TSC22D1: variants seen among roughly 807,000 people sequenced by gnomAD.
The protein encoded by TSC22D1 is TSC22 domain family member 1, also known as TSC22 domain family protein 1.
In TSC22D1, 9 loss-of-function variants were observed where a neutral mutation model predicts 74.2. The ratio of observed to expected loss-of-function variants is 0.12; its 90% CI spans 0.07 to 0.21. TSC22D1 has a LOEUF of 0.21. TSC22D1 is among the 10% of genes least tolerant of loss of function. TSC22D1 has a pLI of 1.00. For missense variants in TSC22D1, 1,427 were observed against 1,304.7 expected, an observed-to-expected ratio of 1.09 and a Z score of -1.44; for synonymous variants, 586 against 492.5, an observed-to-expected ratio of 1.19 and a Z score of -2.51.
intron 1 of TSC22D1, among the ~76,000 whole-genome samples, chr13:44,533,769 C>A (rs557532593): frequency 6.6e-6 from 1 of 152,002 alleles, no homozygotes; most frequent in Admixed American, 6.6e-5. Context: ...GGCAATAGAG[C>A]GAGACTCTTG....
intron 1 of TSC22D1, among the ~76,000 whole-genome samples, chr13:44,533,333 G>A (rs1393842813): frequency 5.3e-5 from 8 of 151,562 alleles, no homozygotes; most frequent in African/African-American, 1.7e-4. Flanking sequence ...ATGGTGGTCC[G>A]TGCCTGTAAT....
In TSC22D1 at chr13:44,527,993, A is replaced by G. The variant is rs73465748; in HGVS notation, c.2912+45170T>C. On this transcript the variant is annotated intron_variant, in intron 1 of 2. Transcript: ENST00000458659. ...ATAAAGGGGCCAATACTCCAAGAAG[A>G]CATAACCATTCTTAATATGTATGTG... is the stretch of plus-strand genomic sequence containing the variant. Among the ~76,000 whole-genome samples, 316 of 152,242 alleles carry G rather than the reference A, an allele frequency of 2.1e-3. 2 individuals carry two copies. The highest frequency in any genetic ancestry group is 7.4e-3 in the African/African-American group (309 of 41,570).
At chr13:44,465,113 A>G (rs1451355297) in intron 1 of TSC22D1, among the ~76,000 whole-genome samples, 1 of 152,234 alleles carries the variant, frequency 6.6e-6, no homozygotes, top group Non-Finnish European at 1.5e-5. Flanking sequence ...TGAGGTATTT[A>G]GGAACATATA....
intron 1 of TSC22D1, among the ~76,000 whole-genome samples, chr13:44,504,014 C>G (rs9634668): frequency 1.3e-5 from 2 of 151,644 alleles, no homozygotes; most frequent in Non-Finnish European, 2.9e-5. Flanking sequence ...TAGCTGGACT[C>G]TATTTTAAGT....
chr13:44,434,226 T>C lies in TSC22D1; in HGVS notation c.*400A>G. 7.0e-7 allele frequency: 1 copy of C among 1,425,266 alleles called. No homozygotes were observed. The highest frequency in any genetic ancestry group is 3.4e-5 in the Admixed American group (1 of 29,642). The allele number at this position is 1,425,266 out of a possible 1,614,324, so 88.3% of individuals were successfully genotyped here. A position where few individuals can be genotyped will look rare whatever the true frequency, so the allele number is the denominator to read the frequency against. On this transcript the variant is annotated 3_prime_UTR_variant, in exon 3 of 3. Coordinates refer to ENST00000458659, the MANE Select transcript of TSC22D1 (RefSeq NM_183422.4). ...GAGGAGAGGAGAGAGGCGAGTCCAG[T>C]GAGGAGCTCCATCGCTTCACAACCC...
chr13:44,452,368 A>G (rs186010132), intron 1 of TSC22D1, among the ~76,000 whole-genome samples: 1 of 152,302 alleles, frequency 6.6e-6, no homozygotes, highest in East Asian at 1.9e-4. Context: ...TTAAAGTTAA[A>G]AAGTCTGCTT....
chr13:44,545,420 G>C (rs774761713), intron 1 of TSC22D1, among the ~76,000 whole-genome samples: 5 of 151,888 alleles, frequency 3.3e-5, no homozygotes, highest in Non-Finnish European at 5.9e-5. Context: ...AAAAACCTTA[G>C]TAATTTTAAG....
At chr13:44,502,646 A>G (rs1566142439) in intron 1 of TSC22D1, among the ~76,000 whole-genome samples, 1 of 152,220 alleles carries the variant, frequency 6.6e-6, no homozygotes, top group Non-Finnish European at 1.5e-5. Context: ...TGGGTAGGTT[A>G]TATTATCGTC....
At chr13:44,474,155 G>T in intron 1 of TSC22D1, 1 of 829,178 alleles carries the variant, frequency 1.2e-6, no homozygotes, top group Non-Finnish European at 1.5e-6. Context: ...GTACTAGGCA[G>T]GACTTAGGAC....
intron 1 of TSC22D1, among the ~76,000 whole-genome samples, chr13:44,446,236 T>C (rs1875630298): frequency 6.6e-6 from 1 of 152,110 alleles, no homozygotes; most frequent in African/African-American, 2.4e-5. Context: ...AAATATATTA[T>C]GGTAAGAGAA....
chr13:44,456,282 G>C (rs1876638803), intron 1 of TSC22D1, among the ~76,000 whole-genome samples: 4 of 152,226 alleles, frequency 2.6e-5, no homozygotes, highest in South Asian at 2.1e-4. Flanking sequence ...GGAGTAGCCA[G>C]CTTTTATTCC....
intron 1 of TSC22D1, among the ~76,000 whole-genome samples, chr13:44,450,323 A>G (rs192215587): frequency 6.1e-4 from 93 of 152,354 alleles, no homozygotes; most frequent in African/African-American, 2.2e-3. Flanking sequence ...GAAGGAAAAA[A>G]GTTTAAGACA....
In TSC22D1 at chr13:44,574,708, A is replaced by T; in HGVS notation, c.1367T>A (p.Ile456Lys). 6.2e-7 allele frequency: 1 copy of T among 1,614,124 alleles called. No individual in the cohort carries two copies. Among genetic ancestry groups the T allele is most frequent in the Non-Finnish European group, 8.5e-7 (1 of 1,180,030 alleles). Residue 456 changes from isoleucine (I) to lysine (K), a missense_variant, in exon 1 of 3, where the codon ATA (isoleucine) becomes AAA (lysine). This residue lies in a region of TSC22D1 where 1,343 missense variants were observed against 1,191.5 expected (regional missense o/e 1.13). Transcript: ENST00000458659. The stretch of plus-strand genomic sequence containing the variant: ...GCTCTCCCTTTCAGAAGTCACTTCT[A>T]TCGGATTTTGCTTTACAGTCTCCAC... ...KVVETVKQNPIEVTSERESTS... is the reference protein window; with the variant it reads ...KVVETVKQNPKEVTSERESTS...
chr13:44,573,586 A>C lies in TSC22D1; in HGVS notation c.2489T>G (p.Ile830Ser), dbSNP rs372676750. ...AVSSLPSASS[I>S]SVTSQVSSTG... ...TGAACTAACCTGACTTGTAACAGAA[A>C]TACTACTAGCAGAGGGCAAAGAACT... Residue 830 changes from isoleucine to serine, a missense_variant, in exon 1 of 3, where the codon ATT becomes AGT. By Grantham distance (142) the Ile-to-Ser change is moderately radical. This residue lies in a region of TSC22D1 where 1,343 missense variants were observed against 1,191.5 expected (regional missense o/e 1.13). Coordinates refer to ENST00000458659, the MANE Select transcript of TSC22D1 (RefSeq NM_183422.4). 70 of 1,614,260 alleles carry C rather than the reference A, an allele frequency of 4.3e-5. No individual in the cohort carries two copies. Among genetic ancestry groups the C allele is most frequent in the Non-Finnish European group, 4.9e-5 (58 of 1,180,044 alleles).
chr13:44,536,588 C>T, intron 1 of TSC22D1: 1 of 318,622 alleles, frequency 3.1e-6, no homozygotes, highest in Non-Finnish European at 4.5e-6. Context: ...TTATGAATTG[C>T]ATAGTTCTCT....
At chr13:44,537,677 A>T (rs1881234085) in intron 1 of TSC22D1, 1 of 984,736 alleles carries the variant, frequency 1.0e-6, no homozygotes. Flanking sequence ...TAAAAGCTGT[A>T]ATCACTTATG....
At chr13:44,471,883 T>C (rs1877625804) in intron 1 of TSC22D1, among the ~76,000 whole-genome samples, 1 of 152,230 alleles carries the variant, frequency 6.6e-6, no homozygotes, top group Non-Finnish European at 1.5e-5. Flanking sequence ...AAATAAGTCA[T>C]AAATGTTAAA....
intron 1 of TSC22D1, among the ~76,000 whole-genome samples, chr13:44,534,340 T>C (rs1359838318): frequency 7.2e-6 from 1 of 139,354 alleles, no homozygotes; most frequent in African/African-American, 2.7e-5. Flanking sequence ...CCAGCCTAGG[T>C]GACACTGTGA....
chr13:44,576,089 G>T lies in TSC22D1; in HGVS notation c.-15C>A. The T allele has an allele frequency of 2.6e-6, 4 of 1,512,408 alleles. No homozygotes were observed. The highest frequency in any genetic ancestry group is 2.4e-5 in the East Asian group (1 of 42,124). 93.7% of individuals were successfully genotyped at this position (1,512,408 alleles called of 1,614,324 possible). On this transcript the variant is annotated 5_prime_UTR_variant, in exon 1 of 3. Transcript: ENST00000458659. ...GGCTGGTGCATTGTGTTGGGTACCG[G>T]GGGCGCGGAGGAGACGAGTGCAATT... is the stretch of plus-strand genomic sequence containing the variant.
Sources: gnomAD v4.1 joint callset for allele counts (sites outside exome capture counted in the v4.1 genomes callset) on GRCh38, gnomAD v4.1.1 for gene constraint, gnomAD v4.1.1 regional missense constraint, MANE v1.5 for transcripts, NCBI Gene and HGNC (gene_info 2026-07-23, HGNC 2026-07-21) for gene names.